The following SHISA9 variants were observed in gnomAD, a reference collection of about 807,000 sequenced individuals.
SHISA9 encodes the protein shisa family member 9.
SHISA9 carries 13 observed loss-of-function variants against 38.0 expected under a neutral mutation model. The observed-to-expected ratio is 0.34, with a 90% CI of 0.22 to 0.54. The LOEUF (loss-of-function observed/expected upper bound fraction) is 0.54. Ranked by LOEUF, SHISA9 falls within the 20% of genes least tolerant of loss-of-function variation. SHISA9 has a pLI of 0.91. For missense variants in SHISA9, 538 were observed against 575.8 expected (o/e 0.93, Z 0.67); for synonymous variants, 275 against 242.0 (o/e 1.14, Z -1.27).
intron 2 of SHISA9, among the ~76,000 whole-genome samples, chr16:13,106,232 A>G (rs1290959240): frequency 2.6e-5 from 4 of 152,148 alleles, no homozygotes; most frequent in African/African-American, 9.7e-5. Context: ...ATATTTTATA[A>G]TTGTATGCTG....
At chr16:12,917,449 G>A (rs2071272982) in intron 2 of SHISA9, among the ~76,000 whole-genome samples, 1 of 151,514 alleles carries the variant, frequency 6.6e-6, no homozygotes. Context: ...TGTTCTGCCA[G>A]GGGAAAAAAA....
chr16:13,534,287 C>T, the SHISA9 span, among the ~76,000 whole-genome samples: 9 of 147,228 alleles, frequency 6.1e-5, no homozygotes, highest in African/African-American at 1.0e-4. Context: ...TGCAGTGGTG[C>T]GATCTCAGCT....
the SHISA9 span, among the ~76,000 whole-genome samples, chr16:13,284,545 G>A: frequency 1.3e-5 from 2 of 152,136 alleles, no homozygotes; most frequent in African/African-American, 4.8e-5. Context: ...CTGATTACCT[G>A]GTCAGCTCTT....
chr16:13,287,669 G>C, the SHISA9 span, among the ~76,000 whole-genome samples: 255 of 152,276 alleles, frequency 1.7e-3, 2 homozygotes, highest in Non-Finnish European at 1.5e-3. Context: ...GCTGGCTTTT[G>C]TCCAGAGGAA....
chr16:13,065,622 A>T (rs2073425193), intron 2 of SHISA9, among the ~76,000 whole-genome samples: 1 of 152,256 alleles, frequency 6.6e-6, no homozygotes, highest in Non-Finnish European at 1.5e-5. Flanking sequence ...ACTAATTAAA[A>T]GTTTCTGTTG....
intron 2 of SHISA9, among the ~76,000 whole-genome samples, chr16:13,168,042 T>A (rs943108633): frequency 1.3e-5 from 2 of 152,226 alleles, no homozygotes; most frequent in African/African-American, 4.8e-5. Flanking sequence ...GATGCTTTGA[T>A]GTCTTGGCAC....
intron 3 of SHISA9, among the ~76,000 whole-genome samples, chr16:13,206,594 T>G (rs1377811930): frequency 2.0e-5 from 3 of 152,256 alleles, no homozygotes; most frequent in Non-Finnish European, 4.4e-5. Context: ...TGGGAATTCA[T>G]GTTCCCTGAT....
the SHISA9 span, among the ~76,000 whole-genome samples, chr16:13,383,119 C>T: frequency 6.6e-6 from 1 of 152,096 alleles, no homozygotes; most frequent in Non-Finnish European, 1.5e-5. Context: ...ACAAATAGGT[C>T]AAGCGATACA....
chr16:13,458,170 C>T, the SHISA9 span, among the ~76,000 whole-genome samples: 1 of 152,282 alleles, frequency 6.6e-6, no homozygotes, highest in Admixed American at 6.5e-5. Context: ...GTGCGATGTA[C>T]CAGTCAACCT....
chr16:13,027,992 A>G (rs1027607498), intron 2 of SHISA9, among the ~76,000 whole-genome samples: 4 of 150,770 alleles, frequency 2.7e-5, no homozygotes, highest in African/African-American at 9.7e-5. Flanking sequence ...TAAAAAGTGT[A>G]TATTGTATGA....
the SHISA9 span, among the ~76,000 whole-genome samples, chr16:13,519,949 C>A: frequency 8.6e-3 from 1,315 of 152,172 alleles, 19 homozygotes; most frequent in African/African-American, 0.03. Flanking sequence ...CAAATCATAT[C>A]AACACCCCTT....
chr16:13,041,461 C>T (rs1403287262), intron 2 of SHISA9, among the ~76,000 whole-genome samples: 1 of 152,218 alleles, frequency 6.6e-6, no homozygotes, highest in African/African-American at 2.4e-5. Context: ...TTTGGCTGTT[C>T]TATTCCCTGT....
intron 2 of SHISA9, among the ~76,000 whole-genome samples, chr16:13,129,686 G>T (rs1286811990): frequency 1.3e-5 from 2 of 152,192 alleles, no homozygotes; most frequent in Non-Finnish European, 2.9e-5. Flanking sequence ...GCTTTCTTTG[G>T]AGGGCTCAGA....
chr16:13,259,689 G>C, the SHISA9 span, among the ~76,000 whole-genome samples: 1 of 152,192 alleles, frequency 6.6e-6, no homozygotes, highest in Admixed American at 6.5e-5. Context: ...GCCAAGGCTT[G>C]AGGCTTCCAC....
the SHISA9 span, among the ~76,000 whole-genome samples, chr16:13,455,362 A>T: frequency 1.3e-5 from 2 of 152,148 alleles, no homozygotes; most frequent in African/African-American, 4.8e-5. Context: ...GTCAAAGTCC[A>T]TTTTGTCCTC....
At chr16:13,401,956 C>T in the SHISA9 span, among the ~76,000 whole-genome samples, 1,442 of 152,176 alleles carry the variant, frequency 9.5e-3, 32 homozygotes, top group African/African-American at 0.033. Context: ...TGAGACTCAT[C>T]CCATATCACG....
the SHISA9 span, among the ~76,000 whole-genome samples, chr16:13,289,128 T>A: frequency 2.0e-5 from 3 of 152,118 alleles, no homozygotes. Flanking sequence ...GCATTGGCAT[T>A]GGAATGTCCG....
At chr16:12,920,496 G>T (rs750718461) in intron 2 of SHISA9, among the ~76,000 whole-genome samples, 1 of 152,158 alleles carries the variant, frequency 6.6e-6, no homozygotes, top group Non-Finnish European at 1.5e-5. Flanking sequence ...AACTTAAAGA[G>T]TGTCATTGGA....
At chr16:12,910,199 T>C (rs1312327558) in intron 1 of SHISA9, 1 of 152,704 alleles carries the variant, frequency 6.5e-6, no homozygotes. Context: ...CACAATTGTC[T>C]CTTCTACTCA....
Sources: allele counts gnomAD v4.1 joint callset (sites outside exome capture counted in the v4.1 genomes callset), GRCh38; gene constraint gnomAD v4.1.1; transcripts MANE v1.5; gene names NCBI Gene and HGNC (gene_info 2026-07-23, HGNC 2026-07-21).